Variants in GALNT17 observed in about 807,000 individuals in gnomAD.
GALNT17 encodes UDP-GalNAc:polypeptide N-acetylgalactosaminyltransferase-like 3.
Under a neutral mutation model 63.7 loss-of-function variants are expected in GALNT17, and 29 were observed. The observed-to-expected ratio is 0.46, with a 90% CI of 0.34 to 0.62. The LOEUF (loss-of-function observed/expected upper bound fraction) is 0.62, where lower values mean the gene tolerates loss of function less well. Among genes scored for constraint, GALNT17 ranks in the 20% least tolerant of loss-of-function variants. The pLI, the probability that GALNT17 is intolerant of heterozygous loss-of-function variation, is 0.01. For synonymous variants in GALNT17, 305 were observed against 318.3 expected (o/e 0.96, Z 0.45); for missense variants, 603 against 799.6 (o/e 0.75, Z 2.97).
At chr7:71,421,889 G>A (rs1032354811) in intron 5 of GALNT17, among the ~76,000 whole-genome samples, 53 of 151,490 alleles carry the variant, frequency 3.5e-4, no homozygotes, top group African/African-American at 1.3e-3. Flanking sequence ...GGTGGAGGTT[G>A]CAGTGAGCTG....
chr7:71,182,280 A>T (rs375812378), intron 1 of GALNT17, among the ~76,000 whole-genome samples: 1 of 152,240 alleles, frequency 6.6e-6, no homozygotes, highest in Non-Finnish European at 1.5e-5. Flanking sequence ...TCAATCAGTC[A>T]TCTCAGACTT....
chr7:71,422,686 T>C (rs1311498912), intron 5 of GALNT17, among the ~76,000 whole-genome samples: 1 of 152,234 alleles, frequency 6.6e-6, no homozygotes, highest in Admixed American at 6.5e-5. Context: ...AGTGGGCATG[T>C]GTTACAGTGT....
chr7:71,353,860 A>T (rs1792231813), intron 2 of GALNT17, among the ~76,000 whole-genome samples: 1 of 152,226 alleles, frequency 6.6e-6, no homozygotes, highest in African/African-American at 2.4e-5. Context: ...ATTTACAAAT[A>T]AAAGAGGTTT....
intron 1 of GALNT17, among the ~76,000 whole-genome samples, chr7:71,154,559 A>G (rs1788195774): frequency 6.6e-6 from 1 of 152,170 alleles, no homozygotes; most frequent in Non-Finnish European, 1.5e-5. Context: ...AAATGTAACA[A>G]TAGCCAACAT....
intron 9 of GALNT17, 67 bp from the exon 10 acceptor site, chr7:71,710,694 C>T (rs1407814618): frequency 7.6e-6 from 12 of 1,570,982 alleles, no homozygotes; most frequent in Non-Finnish European, 9.5e-6. Context: ...GACCTGAGCC[C>T]TGCTTCCTCC....
chr7:71,629,134 G>A (rs1790419263), intron 6 of GALNT17, among the ~76,000 whole-genome samples: 1 of 151,986 alleles, frequency 6.6e-6, no homozygotes, highest in South Asian at 2.1e-4. Context: ...TCAGAGAGAG[G>A]ACCCTAGCAG....
chr7:71,283,399 G>T (rs1380225849), intron 1 of GALNT17, among the ~76,000 whole-genome samples: 1 of 151,888 alleles, frequency 6.6e-6, no homozygotes, highest in Non-Finnish European at 1.5e-5. Flanking sequence ...TGATTATATT[G>T]ATTTTATTGT....
intron 6 of GALNT17, among the ~76,000 whole-genome samples, chr7:71,609,605 C>T (rs150258860): frequency 3.0e-4 from 45 of 152,046 alleles, no homozygotes; most frequent in Admixed American, 2.0e-3. Flanking sequence ...TGCTTTGATA[C>T]GGGCATGCAA....
At chr7:71,432,976 A>AT (rs551350758) in intron 5 of GALNT17, among the ~76,000 whole-genome samples, 2 of 151,932 alleles carry the variant, frequency 1.3e-5, no homozygotes, top group African/African-American at 2.4e-5. Flanking sequence ...CACCTGGCTA[A>AT]TTTTTTGTAT....
At chr7:71,240,855 G>A (rs1038042046) in intron 1 of GALNT17, among the ~76,000 whole-genome samples, 6 of 151,834 alleles carry the variant, frequency 4.0e-5, no homozygotes, top group African/African-American at 1.5e-4. Flanking sequence ...TAGTAGAGAC[G>A]GAGTTTCACC....
intron 2 of GALNT17, among the ~76,000 whole-genome samples, chr7:71,335,963 A>G (rs1353892864): frequency 2.0e-5 from 3 of 151,416 alleles, no homozygotes; most frequent in Non-Finnish European, 4.4e-5. Flanking sequence ...GAGCCTCAAT[A>G]CAAAAAGCTT....
chr7:71,666,098 T>C (rs1790981299), intron 7 of GALNT17, among the ~76,000 whole-genome samples: 1 of 152,130 alleles, frequency 6.6e-6, no homozygotes, highest in East Asian at 1.9e-4. Flanking sequence ...ATGCGGTAGT[T>C]GTATATTAGC....
In GALNT17 at chr7:71,670,087, A is replaced by G; in HGVS notation, c.1382A>G (p.Asn461Ser). 1 of 1,614,166 alleles carries G rather than the reference A, an allele frequency of 6.2e-7. No individual in the cohort carries two copies. Among genetic ancestry groups the G allele is most frequent in the Non-Finnish European group, 8.5e-7 (1 of 1,180,014 alleles). ...DHVYPEMRRY[N>S]NTVAYGELRN... ...GTTTACCCAGAAATGAGAAGATACA[A>G]TAATACCGTTGCTTACGGGGAGGTA... Residue 461 changes from asparagine (N) to serine (S), a missense_variant, in exon 8 of 11, where the codon AAT becomes AGT. Asn to Ser is a conservative substitution (Grantham distance 46, BLOSUM62 1). This residue lies in a region of GALNT17 where 336 missense variants were observed against 507.8 expected (regional missense o/e 0.66). Transcript: ENST00000333538.
intron 2 of GALNT17, among the ~76,000 whole-genome samples, chr7:71,376,553 G>T (rs79728889): frequency 2.0e-5 from 3 of 149,978 alleles, no homozygotes; most frequent in African/African-American, 7.4e-5. Context: ...GTATGTGTGC[G>T]AGTGTGTGTG....
chr7:71,485,289 G>T (rs1329245100), intron 5 of GALNT17, among the ~76,000 whole-genome samples: 1 of 151,924 alleles, frequency 6.6e-6, no homozygotes, highest in Non-Finnish European at 1.5e-5. Context: ...CAGAGATGGG[G>T]TTTTGCTGTG....
intron 6 of GALNT17, among the ~76,000 whole-genome samples, chr7:71,605,339 G>A (rs1584084798): frequency 6.6e-6 from 1 of 152,258 alleles, no homozygotes; most frequent in East Asian, 1.9e-4. Flanking sequence ...CATAATCTCA[G>A]CACTTTGGGA....
intron 5 of GALNT17, among the ~76,000 whole-genome samples, chr7:71,484,414 G>C (rs1787874334): frequency 6.6e-6 from 1 of 152,128 alleles, no homozygotes; most frequent in African/African-American, 2.4e-5. Context: ...CTTGAACTCA[G>C]GAGGCAGAGG....
chr7:71,257,581 T>TC (rs1397905547), intron 1 of GALNT17, among the ~76,000 whole-genome samples: 19 of 152,220 alleles, frequency 1.2e-4, no homozygotes, highest in African/African-American at 4.3e-4. Context: ...ACTATCCTTC[T>TC]CCACTATTAT....
At chr7:71,196,971 T>A (rs11767415) in intron 1 of GALNT17, among the ~76,000 whole-genome samples, 3 of 147,300 alleles carry the variant, frequency 2.0e-5, no homozygotes, top group African/African-American at 7.5e-5. Context: ...TTTTAAAAAA[T>A]TTATTTTTAA....
Sources: allele counts gnomAD v4.1 joint callset (sites outside exome capture counted in the v4.1 genomes callset), GRCh38; gene constraint gnomAD v4.1.1; regional missense constraint gnomAD v4.1.1; transcripts MANE v1.5; gene names NCBI Gene and HGNC (gene_info 2026-07-23, HGNC 2026-07-21).